The following ERI3 variants were observed in gnomAD, a reference collection of about 807,000 sequenced individuals.
ERI3 encodes the protein ERI1 exoribonuclease family member 3, also known as ERI1 exoribonuclease 3.
A neutral mutation model predicts 44.4 loss-of-function variants in ERI3; 18 were observed. The ratio of observed to expected loss-of-function variants is 0.41; its 90% CI spans 0.28 to 0.60. ERI3 has a LOEUF of 0.60. Ranked by LOEUF, ERI3 falls within the 20% of genes least tolerant of loss-of-function variation. The pLI is 0.36. For synonymous variants in ERI3, 183 were observed against 164.8 expected, an observed-to-expected ratio of 1.11 and a Z score of -0.84; for missense variants, 294 against 435.5, an observed-to-expected ratio of 0.68 and a Z score of 2.89.
Position 44,221,418 on chromosome 1 carries a change from G to T in ERI3, c.*140C>A. ...TGCAAGGGCACAAGCCCACGCCAAG[G>T]GCATGAGCCCACAGGGCAGCTGGGG... On this transcript the variant is annotated 3_prime_UTR_variant, in exon 9 of 9. Coordinates refer to ENST00000372257, the MANE Select transcript of ERI3 (RefSeq NM_024066.3). The surrounding 1 kb of genome is among the most constrained non-coding windows in gnomAD (Gnocchi z 5.9). 2 of 705,264 alleles carry T rather than the reference G, an allele frequency of 2.8e-6. No homozygotes were observed. The highest frequency in any genetic ancestry group is 4.8e-6 in the Non-Finnish European group (2 of 420,022). 43.7% of individuals were successfully genotyped at this position (705,264 alleles called of 1,614,324 possible).
At position 44,354,938 on chromosome 1, in the gene ERI3, G is replaced by C. The variant is rs767920812; in HGVS notation, c.89C>G (p.Thr30Ser). 8.2e-6 allele frequency: 11 copies of C among 1,336,304 alleles called. No homozygotes were observed. The Middle Eastern group carries it at 8.1e-4, about 98-fold the overall frequency. The allele number at this position is 1,336,304 out of a possible 1,614,324, so 82.8% of individuals were successfully genotyped here. A position where few individuals can be genotyped will look rare whatever the true frequency, so the allele number is the denominator to read the frequency against. The stretch of plus-strand genomic sequence containing the variant: ...CGGGCCCATCCAAGTCCAGGGGAGA[G>C]TAAGGGGAGGGGCGGGGGGCCAGGA... Reference protein sequence around the residue: ...LVSWPPAPPLTLPWTWMGPSW... With the variant: ...LVSWPPAPPLSLPWTWMGPSW... The change falls in exon 1 of 9, where the codon ACT becomes AGT. Residue 30 changes from threonine to serine, a missense_variant. Thr to Ser is a moderately conservative substitution (Grantham distance 58). Transcript: ENST00000372257.
At chr1:44,328,234 C>A (rs12068814) in intron 3 of ERI3, among the ~76,000 whole-genome samples, 1 of 115,540 alleles carries the variant, frequency 8.7e-6, no homozygotes, top group Non-Finnish European at 1.7e-5. Context: ...CCCCCACCCC[C>A]GCAATGCACT....
At chr1:44,292,202 G>A (rs905656405) in intron 6 of ERI3, among the ~76,000 whole-genome samples, 7 of 152,058 alleles carry the variant, frequency 4.6e-5, no homozygotes, top group African/African-American at 1.7e-4. Context: ...CTTGCTGGGG[G>A]TGACAGGAAA....
At chr1:44,286,801 C>G (rs1169675304) in intron 6 of ERI3, among the ~76,000 whole-genome samples, 2 of 152,200 alleles carry the variant, frequency 1.3e-5, no homozygotes, top group East Asian at 3.9e-4. Flanking sequence ...TCCATCTTTT[C>G]CTCACAGAAC....
At chr1:44,222,291 G>A (rs1643919015) in intron 8 of ERI3, among the ~76,000 whole-genome samples, 1 of 152,220 alleles carries the variant, frequency 6.6e-6, no homozygotes, top group South Asian at 2.1e-4. Context: ...CGACAGGATG[G>A]GGAGGGTCCA....
At chr1:44,239,519 A>G (rs567050877) in intron 8 of ERI3, among the ~76,000 whole-genome samples, 2 of 152,326 alleles carry the variant, frequency 1.3e-5, no homozygotes, top group Non-Finnish European at 2.9e-5. Context: ...CAGAGTCCAG[A>G]GCCCAAATTC....
At chr1:44,326,692 A>T (rs1646321537) in intron 3 of ERI3, among the ~76,000 whole-genome samples, 1 of 152,228 alleles carries the variant, frequency 6.6e-6, no homozygotes. Context: ...ACACTTTGAC[A>T]GATGAGAGCT....
At chr1:44,282,733 G>A (rs1481436704) in intron 7 of ERI3, among the ~76,000 whole-genome samples, 1 of 152,198 alleles carries the variant, frequency 6.6e-6, no homozygotes, top group Non-Finnish European at 1.5e-5. Context: ...GAGAGGAAGA[G>A]GTTAGACCCC....
In ERI3 at chr1:44,241,347, A is replaced by G. The variant is rs1451257692; in HGVS notation, c.931+6592T>C. On this transcript the variant is annotated intron_variant, in intron 8 of 8. Coordinates refer to ENST00000372257, the MANE Select transcript of ERI3 (RefSeq NM_024066.3). This position sits in a 1 kb window ranked among gnomAD's most constrained non-coding sequence, Gnocchi z 5.6. ...TAATCCCCCAGCCCACAGGAATCCA[A>G]TGCAGTCCCTTATCTGCCCTGTCAA... 6.6e-6 allele frequency among the ~76,000 whole-genome samples: 1 copy of G among 152,226 alleles called. No homozygotes were observed. The highest frequency in any genetic ancestry group is 1.9e-4 in the East Asian group (1 of 5,180).
chr1:44,309,728 C>T (rs1404298161), intron 5 of ERI3, among the ~76,000 whole-genome samples: 1 of 151,870 alleles, frequency 6.6e-6, no homozygotes, highest in Non-Finnish European at 1.5e-5. Context: ...CCATGCCTGG[C>T]TAATTTTTGT....
At chr1:44,268,669 T>C (rs1284808155) in intron 7 of ERI3, among the ~76,000 whole-genome samples, 2 of 152,098 alleles carry the variant, frequency 1.3e-5, no homozygotes, top group Admixed American at 1.3e-4. Flanking sequence ...AGAAAGACCA[T>C]GGGTTGAGCC....
intron 7 of ERI3, among the ~76,000 whole-genome samples, chr1:44,274,252 G>A (rs1011721893): frequency 3.9e-5 from 6 of 152,152 alleles, no homozygotes; most frequent in Admixed American, 6.5e-5. Context: ...GAATCATTTC[G>A]GAATTAAATT....
intron 7 of ERI3, among the ~76,000 whole-genome samples, chr1:44,279,677 A>C (rs569442877): frequency 1.3e-5 from 2 of 152,266 alleles, no homozygotes; most frequent in African/African-American, 4.8e-5. Flanking sequence ...TTCTCCCATT[A>C]TCTCAGTCAA....
intron 8 of ERI3, among the ~76,000 whole-genome samples, chr1:44,240,587 A>G (rs1480069574): frequency 6.6e-6 from 1 of 152,186 alleles, no homozygotes; most frequent in Non-Finnish European, 1.5e-5. Context: ...CTGGACCCTC[A>G]GTTTCCTCAC....
At chr1:44,249,519 G>C (rs889011130) in intron 7 of ERI3, among the ~76,000 whole-genome samples, 7 of 152,198 alleles carry the variant, frequency 4.6e-5, no homozygotes, top group African/African-American at 1.7e-4. Flanking sequence ...ATGGGTACTA[G>C]GAGGCTAGGA....
intron 5 of ERI3, among the ~76,000 whole-genome samples, chr1:44,310,954 C>CGCGCGT (rs1557840792): frequency 1.4e-5 from 1 of 69,016 alleles, no homozygotes; most frequent in Non-Finnish European, 2.8e-5. Context: ...GTGCACATCG[C>CGCGCGT]GCGCGCGCGC....
Position 44,241,893 on chromosome 1 carries a change from CCCATCTAGTCCATCAACTCACCCAT to C in ERI3, c.931+6021_931+6045del. On this transcript the variant is annotated intron_variant, in intron 8 of 8. Coordinates refer to ENST00000372257, the MANE Select transcript of ERI3 (RefSeq NM_024066.3). The surrounding 1 kb of genome is among the most constrained non-coding windows in gnomAD (Gnocchi z 5.6). ...ATCCATCTGTCCATCAACTCACCCA[CCCATCTAGTCCATCAACTCACCCAT>C]CCATCTAGCCATTCTTCCATCTATG... The C allele has an allele frequency of 1.1e-6, 1 of 945,776 alleles. No individual in the cohort carries two copies. Among genetic ancestry groups the C allele is most frequent in the Non-Finnish European group, 1.3e-6 (1 of 793,586 alleles). The allele number at this position is 945,776 out of a possible 1,614,324, so 58.6% of individuals were successfully genotyped here.
At chr1:44,311,015 ACG>A (rs1645961335) in intron 5 of ERI3, among the ~76,000 whole-genome samples, 1 of 143,484 alleles carries the variant, frequency 7.0e-6, no homozygotes, top group African/African-American at 2.6e-5. Context: ...ACACACACAC[ACG>A]TGCAGGAATC....
chr1:44,346,853 A>G lies in ERI3; in HGVS notation c.211+5997T>C, dbSNP rs528242043. Among the ~76,000 whole-genome samples the G allele has an allele frequency of 2.0e-5, 3 of 152,368 alleles. No individual in the cohort carries two copies. In the East Asian group the frequency reaches 5.8e-4, roughly 29 times the overall value. ...CTTTGGGATTCAATTCAACCGTGCG[A>G]TGTACAAAAAGTGCTTTGCACAATA... On this transcript the variant is annotated intron_variant, in intron 2 of 8. Coordinates refer to ENST00000372257, the MANE Select transcript of ERI3 (RefSeq NM_024066.3).
Sources: allele counts gnomAD v4.1 joint callset (sites outside exome capture counted in the v4.1 genomes callset), GRCh38; gene constraint gnomAD v4.1.1; non-coding constraint Gnocchi (gnomAD v3.1); transcripts MANE v1.5; gene names NCBI Gene and HGNC (gene_info 2026-07-23, HGNC 2026-07-21).